Variants in TMEM116 observed in about 807,000 individuals in gnomAD.
TMEM116 encodes transmembrane protein 116.
TMEM116 carries 38 observed loss-of-function variants against 44.3 expected under a neutral mutation model. That is an observed-to-expected ratio of 0.86 (90% confidence interval 0.66 to 1.12). TMEM116 has a LOEUF of 1.12. Ranked by LOEUF, TMEM116 falls within the 50% of genes most tolerant of loss-of-function variation. TMEM116 has a pLI of 0.00. For missense variants in TMEM116, 354 were observed against 401.7 expected, an observed-to-expected ratio of 0.88 and a Z score of 1.01; for synonymous variants, 132 against 144.8, an observed-to-expected ratio of 0.91 and a Z score of 0.64.
intron 3 of TMEM116, chr12:111,993,927 C>G (rs1170537338): frequency 4.4e-6 from 3 of 686,860 alleles, no homozygotes; most frequent in Non-Finnish European, 8.3e-6. Context: ...GAATGTTTGT[C>G]TGTATCATTA....
chr12:111,964,785 G>A (rs554777636), intron 4 of TMEM116, among the ~76,000 whole-genome samples: 1 of 152,246 alleles, frequency 6.6e-6, no homozygotes, highest in South Asian at 2.1e-4. Flanking sequence ...CCTCCTAGGT[G>A]CAAGTGATCC....
rs139354177 is a variant in TMEM116, at chr12:111,961,850, T to A, written c.211-18481A>T. On this transcript the variant is annotated intron_variant, in intron 4 of 10. Coordinates refer to ENST00000552374, the MANE Select transcript of TMEM116 (RefSeq NM_001193531.2). ...TCAGGCAAGAGAAAGAAATAAAGCA[T>A]ATTCAAATAGGAAAAGAGGAGGTCT... Among the ~76,000 whole-genome samples the A allele has an allele frequency of 4.6e-3, 698 of 152,294 alleles. 7 individuals are homozygous for A. Among genetic ancestry groups the A allele is most frequent in the African/African-American group, 0.015 (637 of 41,558 alleles).
intron 4 of TMEM116, among the ~76,000 whole-genome samples, chr12:111,986,364 G>GA (rs1281661731): frequency 6.6e-6 from 1 of 150,806 alleles, no homozygotes; most frequent in Non-Finnish European, 1.5e-5. Flanking sequence ...GTCTCAAAAA[G>GA]AAAAAAGAAT....
At chr12:111,988,152 T>A (rs2076329483) in intron 4 of TMEM116, among the ~76,000 whole-genome samples, 1 of 152,146 alleles carries the variant, frequency 6.6e-6, no homozygotes, top group Admixed American at 6.5e-5. Flanking sequence ...AGTAGAACAG[T>A]GGTTACCAGG....
At chr12:111,956,135 C>T (rs988005264) in intron 4 of TMEM116, among the ~76,000 whole-genome samples, 58 of 152,188 alleles carry the variant, frequency 3.8e-4, no homozygotes, top group African/African-American at 1.4e-3. Flanking sequence ...GTGGCATAAG[C>T]GTGCTCCAGC....
chr12:111,956,272 C>A (rs1345873834), intron 4 of TMEM116, among the ~76,000 whole-genome samples: 5 of 152,160 alleles, frequency 3.3e-5, no homozygotes, highest in Non-Finnish European at 5.9e-5. Context: ...GTGAACAAAT[C>A]TCATTCTAAT....
chr12:111,983,767 C>T (rs372883465), intron 4 of TMEM116, among the ~76,000 whole-genome samples: 32 of 152,166 alleles, frequency 2.1e-4, no homozygotes, highest in African/African-American at 7.5e-4. Context: ...TAACTACCAC[C>T]AAAACCTGTC....
chr12:111,985,741 C>T (rs1265406885), intron 4 of TMEM116, among the ~76,000 whole-genome samples: 18 of 151,960 alleles, frequency 1.2e-4, no homozygotes, highest in Admixed American at 9.2e-4. Flanking sequence ...GAATTATAGG[C>T]GCACACCACC....
chr12:111,934,060 G>C (rs916928935), intron 8 of TMEM116, 30 bp from the exon 9 acceptor site: 4 of 1,610,860 alleles, frequency 2.5e-6, no homozygotes, highest in Non-Finnish European at 3.4e-6. Flanking sequence ...TGAGCAGTTT[G>C]CTTAAAGCTT....
At chr12:111,934,188 A>C in intron 8 of TMEM116, 158 bp from the exon 9 acceptor site, 1 of 863,776 alleles carries the variant, frequency 1.2e-6, no homozygotes, top group Non-Finnish European at 1.7e-6. Context: ...CTTTTTTTTA[A>C]GAGAAAATTA....
chr12:111,968,718 A>G (rs1233585706), intron 4 of TMEM116, among the ~76,000 whole-genome samples: 1 of 152,220 alleles, frequency 6.6e-6, no homozygotes, highest in African/African-American at 2.4e-5. Flanking sequence ...TATTAGGCCA[A>G]GTGCAATGGC....
At chr12:111,937,119 T>A (rs2072227734) in intron 7 of TMEM116, 41 bp downstream of exon 7, 2 of 1,520,832 alleles carry the variant, frequency 1.3e-6, no homozygotes, top group Non-Finnish European at 1.8e-6. Flanking sequence ...AACAAATAGG[T>A]GTAGTCTGCC....
intron 8 of TMEM116, chr12:111,934,263 C>T (rs1175128487): frequency 2.2e-5 from 10 of 459,754 alleles, no homozygotes; most frequent in African/African-American, 4.0e-5. Context: ...TTGTGTATCA[C>T]GTTTAACACA....
chr12:111,977,192 A>G (rs1024910726), intron 4 of TMEM116, among the ~76,000 whole-genome samples: 6 of 152,166 alleles, frequency 3.9e-5, no homozygotes, highest in Admixed American at 3.3e-4. Flanking sequence ...CAGAAAACCA[A>G]AGACAAAGAG....
intron 4 of TMEM116, among the ~76,000 whole-genome samples, chr12:111,956,976 G>C (rs1328583492): frequency 1.4e-5 from 2 of 146,020 alleles, no homozygotes; most frequent in Non-Finnish European, 3.0e-5. Context: ...GCCGCCCATC[G>C]TCTGTGATGT....
intron 4 of TMEM116, among the ~76,000 whole-genome samples, chr12:111,986,031 C>A (rs1331653350): frequency 1.3e-5 from 2 of 151,868 alleles, no homozygotes; most frequent in Non-Finnish European, 2.9e-5. Context: ...CATATGGAAT[C>A]TCAAGGGACC....
At chr12:111,951,599 G>A (rs1382586278) in intron 4 of TMEM116, among the ~76,000 whole-genome samples, 1 of 152,054 alleles carries the variant, frequency 6.6e-6, no homozygotes, top group African/African-American at 2.4e-5. Flanking sequence ...TCTCATAAGT[G>A]GGAGCTAAAT....
intron 3 of TMEM116, chr12:112,001,046 G>A (rs897211914): frequency 2.2e-5 from 4 of 184,774 alleles, no homozygotes; most frequent in Non-Finnish European, 4.6e-5. Context: ...GGGACTTGGC[G>A]CCACCACGGC....
chr12:111,972,604 T>A (rs2075410706), intron 4 of TMEM116, among the ~76,000 whole-genome samples: 1 of 151,996 alleles, frequency 6.6e-6, no homozygotes, highest in Admixed American at 6.6e-5. Flanking sequence ...TCTTGCCGGG[T>A]GTGGTGGCTC....
Sources: allele counts gnomAD v4.1 joint callset (sites outside exome capture counted in the v4.1 genomes callset), GRCh38; gene constraint gnomAD v4.1.1; transcripts MANE v1.5; gene names NCBI Gene and HGNC (gene_info 2026-07-23, HGNC 2026-07-21).